SLC22A25: variants seen among roughly 807,000 people sequenced by gnomAD.
SLC22A25 encodes MGI:2442751, MGI:2385316, MGI:3042283, MGI:3645714, MGI:3605624, MGI:2442750.
In SLC22A25, 44 loss-of-function variants were observed where a neutral mutation model predicts 45.9. The observed-to-expected ratio is 0.96, with a 90% CI of 0.75 to 1.23. The LOEUF (loss-of-function observed/expected upper bound fraction) is 1.23. SLC22A25 is among the 50% of genes most tolerant of loss of function. The pLI is 0.00. For missense variants in SLC22A25, 800 were observed against 666.4 expected, an observed-to-expected ratio of 1.20 and a Z score of -2.21; for synonymous variants, 283 against 238.6, an observed-to-expected ratio of 1.19 and a Z score of -1.72.
intron 3 of SLC22A25, among the ~76,000 whole-genome samples, chr11:63,232,104 T>A (rs1293517709): frequency 6.6e-6 from 1 of 152,192 alleles, no homozygotes; most frequent in Non-Finnish European, 1.5e-5. Flanking sequence ...TAGGATTGAC[T>A]TGGCAATGCG....
chr11:63,166,016 C>A (rs2087667398), intron 10 of SLC22A25, 28 bp downstream of exon 10: 2 of 1,608,792 alleles, frequency 1.2e-6, no homozygotes, highest in South Asian at 2.2e-5. Flanking sequence ...AAGACATTTT[C>A]TTTCTTCCAC....
At chr11:63,207,445 G>A (rs118088880) in intron 7 of SLC22A25, among the ~76,000 whole-genome samples, 3,123 of 152,230 alleles carry the variant, frequency 0.021, 45 homozygotes, top group Middle Eastern at 0.051. Flanking sequence ...CCATCAAAAA[G>A]TGGGTAAAGG....
chr11:63,179,485 C>A (rs944663080), intron 9 of SLC22A25, among the ~76,000 whole-genome samples: 4 of 152,216 alleles, frequency 2.6e-5, no homozygotes, highest in African/African-American at 9.6e-5. Context: ...TGTATTTGTG[C>A]ATGTAGATTC....
In SLC22A25 at chr11:63,238,761, G is replaced by T. The variant is rs2134862796; in HGVS notation, c.-621C>A. The T allele has an allele frequency of 4.6e-6, 1 of 218,840 alleles. No homozygotes were observed. Among genetic ancestry groups the T allele is most frequent in the Non-Finnish European group, 1.0e-5 (1 of 98,072 alleles). 13.6% of individuals were successfully genotyped at this position (218,840 alleles called of 1,614,324 possible). On this transcript the variant is annotated 5_prime_UTR_variant, in exon 2 of 12. Coordinates refer to ENST00000306494, the MANE Select transcript of SLC22A25 (RefSeq NM_199352.6). ...GGAAGGAGCTTCTGTTGTACACCCT[G>T]CTGTCCACACACGGTTCCATGTCTG...
At position 63,183,675 on chromosome 11, in the gene SLC22A25, C is replaced by A; in HGVS notation, c.954+19G>T. ...TTATGTCTTCCCAGCATCCCATATC[C>A]AGCTCCCGTCTTGCTTACCTCCATG... On this transcript the variant is annotated intron_variant, in intron 8 of 11. Transcript: ENST00000306494. 1 of 1,612,218 alleles carries A rather than the reference C, an allele frequency of 6.2e-7. No individual in the cohort carries two copies. The highest frequency in any genetic ancestry group is 8.5e-7 in the Non-Finnish European group (1 of 1,178,786).
intron 1 of SLC22A25, among the ~76,000 whole-genome samples, chr11:63,242,310 A>T (rs2090262230): frequency 1.3e-5 from 2 of 152,362 alleles, no homozygotes; most frequent in African/African-American, 4.8e-5. Flanking sequence ...ACCAGATGTC[A>T]GAACCAACAA....
At chr11:63,231,339 C>T (rs1325747100) in intron 3 of SLC22A25, among the ~76,000 whole-genome samples, 2 of 152,266 alleles carry the variant, frequency 1.3e-5, no homozygotes, top group East Asian at 1.9e-4. Flanking sequence ...TAATGATGGC[C>T]ATTCTAACTG....
intron 3 of SLC22A25, among the ~76,000 whole-genome samples, chr11:63,234,046 T>A (rs1383407761): frequency 6.6e-6 from 1 of 152,234 alleles, no homozygotes; most frequent in Non-Finnish European, 1.5e-5. Flanking sequence ...GAGGAGAGCT[T>A]TACTTCCAAC....
At chr11:63,193,521 G>C (rs1009854531) in intron 7 of SLC22A25, among the ~76,000 whole-genome samples, 10 of 152,188 alleles carry the variant, frequency 6.6e-5, no homozygotes, top group African/African-American at 2.4e-4. Flanking sequence ...AGGCAAACAG[G>C]GTCTGGAGTG....
intron 7 of SLC22A25, among the ~76,000 whole-genome samples, chr11:63,205,238 C>G (rs1029958387): frequency 6.6e-6 from 1 of 152,000 alleles, no homozygotes; most frequent in African/African-American, 2.4e-5. Context: ...ATCCTAACAT[C>G]ACAATGAAAA....
intron 7 of SLC22A25, among the ~76,000 whole-genome samples, chr11:63,202,565 G>A (rs544310092): frequency 1.2e-4 from 18 of 152,182 alleles, no homozygotes; most frequent in Non-Finnish European, 2.1e-4. Flanking sequence ...AGCCCACCAC[G>A]GCTCAGTGCC....
At chr11:63,174,450 A>G (rs111628338) in intron 9 of SLC22A25, among the ~76,000 whole-genome samples, 5,124 of 152,208 alleles carry the variant, frequency 0.034, 117 homozygotes, top group Non-Finnish European at 0.056. Context: ...GTGACTACCT[A>G]GTTGTCCAAA....
At chr11:63,213,366 G>C (rs1345087185) in intron 7 of SLC22A25, among the ~76,000 whole-genome samples, 1 of 152,222 alleles carries the variant, frequency 6.6e-6, no homozygotes, top group Non-Finnish European at 1.5e-5. Context: ...ATGAATGAAA[G>C]GGAATGGCAG....
chr11:63,182,938 A>G (rs2088381327), intron 8 of SLC22A25, among the ~76,000 whole-genome samples: 1 of 152,094 alleles, frequency 6.6e-6, no homozygotes, highest in South Asian at 2.1e-4. Flanking sequence ...TTAGATTTAA[A>G]CATGTCCATT....
chr11:63,205,364 C>T (rs1295488355), intron 7 of SLC22A25, among the ~76,000 whole-genome samples: 1 of 151,944 alleles, frequency 6.6e-6, no homozygotes, highest in African/African-American at 2.4e-5. Flanking sequence ...ATCAATGAAT[C>T]CAGCAGCTGT....
chr11:63,184,529 G>A (rs2088449633), intron 7 of SLC22A25, among the ~76,000 whole-genome samples: 1 of 152,154 alleles, frequency 6.6e-6, no homozygotes, highest in Admixed American at 6.6e-5. Context: ...GGTTTGTAAA[G>A]TAAATAGAAG....
chr11:63,190,378 C>T (rs186338655), intron 7 of SLC22A25, among the ~76,000 whole-genome samples: 10 of 152,206 alleles, frequency 6.6e-5, no homozygotes, highest in Non-Finnish European at 1.0e-4. Flanking sequence ...GTTCTCGTGT[C>T]GTGGTTTTCA....
intron 7 of SLC22A25, among the ~76,000 whole-genome samples, chr11:63,188,700 T>C: frequency 6.6e-6 from 1 of 152,228 alleles, no homozygotes. Flanking sequence ...TAAATTTCCC[T>C]CTACACACTG....
intron 7 of SLC22A25, among the ~76,000 whole-genome samples, chr11:63,217,051 A>G (rs1348102294): frequency 6.6e-6 from 1 of 152,204 alleles, no homozygotes; most frequent in Non-Finnish European, 1.5e-5. Context: ...AACAGTGAAT[A>G]ATTTTGAGTT....
Sources: gnomAD v4.1 joint callset for allele counts (sites outside exome capture counted in the v4.1 genomes callset) on GRCh38, gnomAD v4.1.1 for gene constraint, MANE v1.5 for transcripts, NCBI Gene and HGNC (gene_info 2026-07-23, HGNC 2026-07-21) for gene names.